The following TFDP2 variants were observed in gnomAD, a reference collection of about 807,000 sequenced individuals.
TFDP2 encodes the protein transcription factor Dp-2 (E2F dimerization partner 2).
A neutral mutation model predicts 59.3 loss-of-function variants in TFDP2; 17 were observed. The ratio of observed to expected loss-of-function variants is 0.29; its 90% CI spans 0.20 to 0.43. TFDP2 has a LOEUF of 0.43. Among genes scored for constraint, TFDP2 ranks in the 20% least tolerant of loss-of-function variants. The pLI is 1.00. For synonymous variants in TFDP2, 180 were observed against 194.7 expected, an observed-to-expected ratio of 0.92 and a Z score of 0.63; for missense variants, 391 against 528.8, an observed-to-expected ratio of 0.74 and a Z score of 2.56.
intron 1 of TFDP2, among the ~76,000 whole-genome samples, chr3:142,129,586 G>A (rs2062415037): frequency 1.3e-5 from 2 of 151,894 alleles, no homozygotes; most frequent in Non-Finnish European, 2.9e-5. Context: ...AATATATAAA[G>A]AACCCCTATA....
At chr3:142,007,963 C>T (rs1395213187) in intron 3 of TFDP2, among the ~76,000 whole-genome samples, 4 of 152,128 alleles carry the variant, frequency 2.6e-5, no homozygotes, top group Non-Finnish European at 4.4e-5. Context: ...TAACAGGCCA[C>T]GGACTGGTAC....
chr3:141,986,617 T>C (rs1029820522), intron 6 of TFDP2, among the ~76,000 whole-genome samples: 4 of 152,240 alleles, frequency 2.6e-5, no homozygotes, highest in African/African-American at 9.6e-5. Context: ...ATAAACTTTC[T>C]TGTACATGTT....
intron 6 of TFDP2, among the ~76,000 whole-genome samples, chr3:141,988,669 C>CTTTTCT (rs753633577): frequency 3.2e-5 from 4 of 125,706 alleles, no homozygotes; most frequent in Non-Finnish European, 6.5e-5. Flanking sequence ...CTTTTCTTTT[C>CTTTTCT]TTTTTTTTTT....
chr3:141,954,976 A>G lies in TFDP2; in HGVS notation c.1052-1960T>C, dbSNP rs551184087. 3.3e-5 allele frequency among the ~76,000 whole-genome samples: 5 copies of G among 152,146 alleles called. No individual in the cohort carries two copies. In the South Asian group the frequency reaches 6.2e-4, roughly 19 times the overall value. ...AACCTTTTTCTTTGAGACAGCTGGG[A>G]AAAAAAAGAGACTTCAAGTCTAAGA... On this transcript the variant is annotated intron_variant, in intron 11 of 12. Transcript: ENST00000489671.
intron 3 of TFDP2, among the ~76,000 whole-genome samples, chr3:142,053,010 G>A (rs1053602876): frequency 5.9e-5 from 9 of 151,866 alleles, no homozygotes; most frequent in African/African-American, 1.5e-4. Context: ...GGGTTTCACC[G>A]TGTTAGCCAG....
At chr3:142,058,282 G>A (rs2059805979) in intron 3 of TFDP2, among the ~76,000 whole-genome samples, 2 of 149,052 alleles carry the variant, frequency 1.3e-5, no homozygotes, top group South Asian at 4.2e-4. Context: ...ATAATGAACT[G>A]TTTTTACTCA....
At chr3:142,058,324 T>G (rs1471308495) in intron 3 of TFDP2, among the ~76,000 whole-genome samples, 4 of 151,998 alleles carry the variant, frequency 2.6e-5, no homozygotes, top group Non-Finnish European at 4.4e-5. Flanking sequence ...TTTGGGTTTT[T>G]TTTTTTTTTT....
intron 7 of TFDP2, among the ~76,000 whole-genome samples, chr3:141,976,364 C>T (rs1371263260): frequency 2.0e-5 from 3 of 152,104 alleles, no homozygotes; most frequent in Non-Finnish European, 4.4e-5. Flanking sequence ...ACTGAGACTA[C>T]AAGCATTCTA....
intron 3 of TFDP2, among the ~76,000 whole-genome samples, chr3:142,031,078 G>C (rs1179030887): frequency 6.6e-6 from 1 of 151,980 alleles, no homozygotes; most frequent in Non-Finnish European, 1.5e-5. Flanking sequence ...GCACCCCCCC[G>C]GCCCTCCAAT....
chr3:142,075,014 A>G (rs2060393109), intron 3 of TFDP2, among the ~76,000 whole-genome samples: 1 of 152,218 alleles, frequency 6.6e-6, no homozygotes, highest in African/African-American at 2.4e-5. Flanking sequence ...CTAGATATCC[A>G]CATGCAAAAT....
chr3:142,086,283 A>C (rs1404440093), intron 3 of TFDP2, among the ~76,000 whole-genome samples: 1 of 152,184 alleles, frequency 6.6e-6, no homozygotes, highest in Non-Finnish European at 1.5e-5. Flanking sequence ...TACTAGCAAA[A>C]AATAAATTCT....
chr3:142,146,273 CAG>C (rs1003925214), intron 1 of TFDP2, among the ~76,000 whole-genome samples: 36 of 152,034 alleles, frequency 2.4e-4, no homozygotes, highest in African/African-American at 7.2e-4. Context: ...ACTTTAAGAA[CAG>C]AGAGAGCATG....
intron 8 of TFDP2, among the ~76,000 whole-genome samples, chr3:141,973,719 A>G (rs953415736): frequency 3.4e-4 from 50 of 147,718 alleles, no homozygotes; most frequent in African/African-American, 1.2e-3. Flanking sequence ...TACAGCAAGC[A>G]TCTCATCAAA....
chr3:142,104,012 T>C (rs1243439999), intron 1 of TFDP2, among the ~76,000 whole-genome samples: 1 of 152,182 alleles, frequency 6.6e-6, no homozygotes, highest in Non-Finnish European at 1.5e-5. Context: ...AAGCTCCACA[T>C]GCATTAGCTA....
intron 3 of TFDP2, among the ~76,000 whole-genome samples, chr3:142,070,187 G>A (rs62283159): frequency 4.4e-4 from 67 of 152,142 alleles, no homozygotes; most frequent in Non-Finnish European, 8.1e-4. Context: ...GATTATAGGC[G>A]TGAGCCACCG....
chr3:141,952,681 TA>T lies in TFDP2; in HGVS notation c.1172del (p.Leu391TyrfsTer9). ...CTAAGGCCACTTCTGCATCCAAGCA[TA>T]ACCCTTGGTTTACACTAGCAAACAA... ...TLPQSSVNQG[L>X]CLDAEVALAT... On this transcript the variant is annotated frameshift_variant, in exon 13 of 13. Transcript: ENST00000489671. LOFTEE classifies it high-confidence loss of function. The T allele has an allele frequency of 6.2e-7, 1 of 1,609,986 alleles. No homozygotes were observed. Among genetic ancestry groups the T allele is most frequent in the Non-Finnish European group, 8.5e-7 (1 of 1,179,046 alleles).
At chr3:142,062,462 C>T (rs546511102) in intron 3 of TFDP2, among the ~76,000 whole-genome samples, 154 of 150,128 alleles carry the variant, frequency 1.0e-3, no homozygotes, top group Non-Finnish European at 2.0e-3. Flanking sequence ...ATAGGAGAGA[C>T]AGCGGTTCTG....
At position 142,128,510 on chromosome 3, in the gene TFDP2, G is replaced by T. The variant is rs1374777432; in HGVS notation, c.-93+20673C>A. ...ACACTTAACAACTCCCATGGACAAA[G>T]AGTTTTTACTCAGCTTTTTATTGAT... On this transcript the variant is annotated intron_variant, in intron 1 of 12. Transcript: ENST00000489671. Among the ~76,000 whole-genome samples the T allele has an allele frequency of 1.3e-5, 2 of 152,290 alleles. 1 individual carries two copies. The highest frequency in any genetic ancestry group is 4.1e-4 in the South Asian group (2 of 4,822).
chr3:142,005,206 C>T (rs1375316015), intron 4 of TFDP2, among the ~76,000 whole-genome samples: 1 of 152,122 alleles, frequency 6.6e-6, no homozygotes, highest in African/African-American at 2.4e-5. Context: ...CGCCACAGTG[C>T]CCAGCTGTTT....
Sources: gnomAD v4.1 joint callset for allele counts (sites outside exome capture counted in the v4.1 genomes callset) on GRCh38, gnomAD v4.1.1 for gene constraint, MANE v1.5 for transcripts, NCBI Gene and HGNC (gene_info 2026-07-23, HGNC 2026-07-21) for gene names.